Variants in ANTXR1 observed in about 807,000 individuals in gnomAD.
The protein encoded by ANTXR1 is anthrax toxin receptor 1.
Under a neutral mutation model 78.1 loss-of-function variants are expected in ANTXR1, and 19 were observed. The observed-to-expected ratio is 0.24, with a 90% confidence interval of 0.17 to 0.36. ANTXR1 has a LOEUF of 0.36. Ranked by LOEUF, ANTXR1 falls within the 10% of genes least tolerant of loss-of-function variation. The pLI is 1.00. For missense variants in ANTXR1, 518 were observed against 718.6 expected (o/e 0.72, Z 3.19); for synonymous variants, 273 against 260.5 (o/e 1.05, Z -0.46).
chr2:69,031,822 A>G (rs1671536792), intron 1 of ANTXR1, among the ~76,000 whole-genome samples: 1 of 152,210 alleles, frequency 6.6e-6, no homozygotes, highest in South Asian at 2.1e-4. Context: ...TGCAAAAATC[A>G]TATTTTGAAT....
chr2:69,220,904 G>C (rs76334553), intron 17 of ANTXR1, among the ~76,000 whole-genome samples: 2 of 152,168 alleles, frequency 1.3e-5, no homozygotes, highest in African/African-American at 4.8e-5. Context: ...ACCTCAAATA[G>C]AAAGGGTGAT....
At chr2:69,122,612 TAC>T (rs1206318497) in intron 10 of ANTXR1, among the ~76,000 whole-genome samples, 2 of 152,180 alleles carry the variant, frequency 1.3e-5, no homozygotes, top group African/African-American at 4.8e-5. Context: ...ATTATTATTA[TAC>T]GTTAAGTTCT....
At chr2:69,090,542 C>A in intron 8 of ANTXR1, 1 of 410,342 alleles carries the variant, frequency 2.4e-6, no homozygotes, top group Middle Eastern at 7.4e-4. Flanking sequence ...AGAGTTAAGT[C>A]CCATTTCCGC....
At chr2:69,145,785 T>C (rs959831536) in intron 12 of ANTXR1, 1 of 1,000,536 alleles carries the variant, frequency 1.0e-6, no homozygotes, top group Non-Finnish European at 1.2e-6. Context: ...CAGTGTTTGA[T>C]ACCGTATCAT....
At chr2:69,107,571 A>G (rs1008641127) in intron 10 of ANTXR1, among the ~76,000 whole-genome samples, 2 of 152,152 alleles carry the variant, frequency 1.3e-5, no homozygotes, top group South Asian at 2.1e-4. Context: ...TTCTATGATA[A>G]TAACATAATC....
intron 1 of ANTXR1, among the ~76,000 whole-genome samples, chr2:69,025,404 G>T (rs1671311255): frequency 6.6e-6 from 1 of 152,106 alleles, no homozygotes; most frequent in Admixed American, 6.6e-5. Flanking sequence ...TTGTCCTATG[G>T]GGTTTCATCC....
chr2:69,065,060 A>G (rs554530744), intron 3 of ANTXR1, among the ~76,000 whole-genome samples: 8 of 152,290 alleles, frequency 5.3e-5, no homozygotes, highest in African/African-American at 1.9e-4. Flanking sequence ...AGAAGAAGAC[A>G]AATAATACAG....
chr2:69,058,810 G>A (rs1399051749), intron 3 of ANTXR1, among the ~76,000 whole-genome samples: 1 of 152,220 alleles, frequency 6.6e-6, no homozygotes, highest in African/African-American at 2.4e-5. Context: ...CATTGTAGAT[G>A]CCATTAAGAA....
intron 13 of ANTXR1, among the ~76,000 whole-genome samples, chr2:69,162,177 A>G (rs765355004): frequency 1.4e-4 from 21 of 152,354 alleles, no homozygotes; most frequent in Non-Finnish European, 2.8e-4. Flanking sequence ...CAAATAAAGC[A>G]GGATCTGGAA....
chr2:69,223,569 G>T (rs1298289133), intron 17 of ANTXR1, among the ~76,000 whole-genome samples: 1 of 152,174 alleles, frequency 6.6e-6, no homozygotes, highest in Admixed American at 6.5e-5. Flanking sequence ...TCCAAACTGG[G>T]AGGTCACCGA....
At chr2:69,217,725 G>A (rs942151062) in intron 17 of ANTXR1, among the ~76,000 whole-genome samples, 1 of 152,196 alleles carries the variant, frequency 6.6e-6, no homozygotes, top group Non-Finnish European at 1.5e-5. Flanking sequence ...AATGGGACAA[G>A]GAGCAGGCCT....
intron 10 of ANTXR1, among the ~76,000 whole-genome samples, chr2:69,114,362 T>C (rs566455645): frequency 6.6e-6 from 1 of 152,362 alleles, no homozygotes; most frequent in East Asian, 1.9e-4. Flanking sequence ...AATGCTGGTG[T>C]GCCCAGAGCT....
Position 69,073,750 on chromosome 2 carries a change from ATTC to A in ANTXR1, c.492+652_492+654del, listed in dbSNP as rs566486785. On this transcript the variant is annotated intron_variant, in intron 6 of 17. Transcript: ENST00000303714. ...GAAAACTAATGTTTATACTTACGAA[ATTC>A]TTTTCTTTCAAGTTTCACATTTGAG... Among the ~76,000 whole-genome samples the A allele has an allele frequency of 5.0e-4, 76 of 152,342 alleles. 1 individual carries two copies. Among genetic ancestry groups the A allele is most frequent in the Non-Finnish European group, 9.6e-4 (65 of 68,032 alleles).
chr2:69,207,737 C>A (rs910767985), intron 17 of ANTXR1, among the ~76,000 whole-genome samples: 2 of 152,168 alleles, frequency 1.3e-5, no homozygotes, highest in East Asian at 1.9e-4. Flanking sequence ...CCACACCCCA[C>A]CCTGTGTTAT....
At chr2:69,083,731 G>A (rs1051332609) in intron 8 of ANTXR1, among the ~76,000 whole-genome samples, 26 of 152,108 alleles carry the variant, frequency 1.7e-4, no homozygotes, top group African/African-American at 6.0e-4. Context: ...CTGTGGCTCC[G>A]TTTCTTGTAA....
intron 2 of ANTXR1, among the ~76,000 whole-genome samples, chr2:69,040,963 C>T (rs1387683036): frequency 6.6e-6 from 1 of 152,156 alleles, no homozygotes; most frequent in East Asian, 1.9e-4. Context: ...ATCCTCTAAG[C>T]CCTGGGTAGT....
rs1670916724 is a variant in ANTXR1, at chr2:69,013,236, C to T, written c.-264C>T. On this transcript the variant is annotated 5_prime_UTR_variant, in exon 1 of 18. Coordinates refer to ENST00000303714, the MANE Select transcript of ANTXR1 (RefSeq NM_032208.3). This position sits in a 1 kb window ranked among gnomAD's most constrained non-coding sequence, Gnocchi z 5.0. The stretch of plus-strand genomic sequence containing the variant: ...GGCCTCGGGAGCTGCCCGGCGGCCC[C>T]GGACCGAGGCAGCCCTCCCCTTTAA... 4 of 587,496 alleles carry T rather than the reference C, an allele frequency of 6.8e-6. No individual in the cohort carries two copies. The highest frequency in any genetic ancestry group is 3.0e-5 in the Admixed American group (1 of 33,188). The allele number at this position is 587,496 out of a possible 1,614,324, so 36.4% of individuals were successfully genotyped here. A position where few individuals can be genotyped will look rare whatever the true frequency, so the allele number is the denominator to read the frequency against.
intron 3 of ANTXR1, among the ~76,000 whole-genome samples, chr2:69,070,336 A>T (rs1325010233): frequency 6.6e-6 from 1 of 152,164 alleles, no homozygotes; most frequent in Non-Finnish European, 1.5e-5. Context: ...GTGTCCCATC[A>T]GGAGCAGCAT....
intron 17 of ANTXR1, among the ~76,000 whole-genome samples, chr2:69,204,377 A>AC (rs1674845530): frequency 6.6e-6 from 1 of 151,800 alleles, no homozygotes; most frequent in East Asian, 1.9e-4. Flanking sequence ...ACTCAACCTG[A>AC]CCCTCAGTCT....
Sources: allele counts gnomAD v4.1 joint callset (sites outside exome capture counted in the v4.1 genomes callset), GRCh38; gene constraint gnomAD v4.1.1; non-coding constraint Gnocchi (gnomAD v3.1); transcripts MANE v1.5; gene names NCBI Gene and HGNC (gene_info 2026-07-23, HGNC 2026-07-21).